The following SORBS3 variants were observed in gnomAD, a reference collection of about 807,000 sequenced individuals.
SORBS3 encodes the protein sorbin and SH3 domain containing 3.
Under a neutral mutation model 98.0 loss-of-function variants are expected in SORBS3, and 69 were observed. That is an observed-to-expected ratio of 0.70 (90% CI 0.58 to 0.86). SORBS3 has a LOEUF of 0.86. SORBS3 is among the 40% of genes least tolerant of loss of function. The probability of loss-of-function intolerance (pLI) is 0.00; values close to 1 mark genes in which losing one functional copy is unlikely to be tolerated. For missense variants in SORBS3, 954 were observed against 908.5 expected (o/e 1.05, Z -0.64); for synonymous variants, 394 against 355.4 (o/e 1.11, Z -1.22).
At position 22,569,291 on chromosome 8, in the gene SORBS3, C is replaced by A; in HGVS notation, c.1431+18C>A. On this transcript the variant is annotated intron_variant, in intron 17 of 20. Coordinates refer to ENST00000240123, the MANE Select transcript of SORBS3 (RefSeq NM_005775.5). ...TCCGCAAGGTGGGCCAGGCCGGAGACGGAGGGGTGGGTGGGGGCAGGTGAA... is the reference window on the plus strand; with the variant it reads ...TCCGCAAGGTGGGCCAGGCCGGAGAAGGAGGGGTGGGTGGGGGCAGGTGAA... 6.4e-7 allele frequency: 1 copy of A among 1,563,982 alleles called. No homozygotes were observed. The highest frequency in any genetic ancestry group is 8.7e-7 in the Non-Finnish European group (1 of 1,152,590).
At chr8:22,547,131 T>C (rs1186930537), upstream of SORBS3, among the ~76,000 whole-genome samples, 1 of 152,198 alleles carries the variant, frequency 6.6e-6, no homozygotes, top group Non-Finnish European at 1.5e-5. Context: ...AGTGGCATCC[T>C]GATGTAGCAA....
rs758204475 is a variant in SORBS3, at chr8:22,570,971, G to A, written c.1493G>A (p.Gly498Asp). The change falls in exon 18 of 21, where the codon GGC (glycine) becomes GAC (aspartate). Residue 498 changes from glycine (G) to aspartate (D), a missense_variant. Physicochemically the swap from Gly to Asp is moderately conservative, Grantham distance 94 (BLOSUM62 -1). Transcript: ENST00000240123. ...NENWYEGRIT[G>D]TGRQGIFPAS... ...AACTGGTACGAGGGACGCATCACGG[G>A]CACGGGGCGCCAAGGCATATTCCCT... 3.1e-6 allele frequency: 5 copies of A among 1,613,284 alleles called. No homozygotes were observed. Among genetic ancestry groups the A allele is most frequent in the Non-Finnish European group, 4.2e-6 (5 of 1,179,706 alleles).
intron 6 of SORBS3, chr8:22,561,642 A>G: frequency 3.3e-6 from 2 of 613,952 alleles, no homozygotes; most frequent in East Asian, 5.5e-5. Context: ...AGATGAGATC[A>G]TCACCTACTC....
In SORBS3 at chr8:22,561,781, AAAT is replaced by A. The variant is rs764872985; in HGVS notation, c.518-80_518-78del. On this transcript the variant is annotated intron_variant, in intron 6 of 20. Transcript: ENST00000240123. ...AGCAAGGGGGTGGTGCTGAAACTCT[AAAT>A]AATCACCCAGGCACCCTCAGCCCCA... is the stretch of plus-strand genomic sequence containing the variant. 5.0e-4 allele frequency: 640 copies of A among 1,273,334 alleles called. 1 individual carries two copies. Among genetic ancestry groups the A allele is most frequent in the Non-Finnish European group, 2.5e-4 (221 of 872,824 alleles). The allele number at this position is 1,273,334 out of a possible 1,614,324, so 78.9% of individuals were successfully genotyped here. A position where few individuals can be genotyped will look rare whatever the true frequency, so the allele number is the denominator to read the frequency against.
In SORBS3 at chr8:22,554,069, C is replaced by T. The variant is rs982281535; in HGVS notation, c.-55-383C>T. On this transcript the variant is annotated intron_variant, in intron 1 of 20. Transcript: ENST00000240123. This position sits in a 1 kb window ranked among gnomAD's most constrained non-coding sequence, Gnocchi z 6.5. ...AACAAAGTCCTGTGTTCCCAGGCCC[C>T]CTCTCTGCCGGCTGCCCCACTTCCC... is the stretch of plus-strand genomic sequence containing the variant. Among the ~76,000 whole-genome samples the T allele has an allele frequency of 1.2e-4, 19 of 152,274 alleles. No individual in the cohort carries two copies. The highest frequency in any genetic ancestry group is 4.6e-4 in the African/African-American group (19 of 41,564).
Position 22,554,721 on chromosome 8 carries a change from C to T in SORBS3, c.102+113C>T, listed in dbSNP as rs1840152128. The T allele has an allele frequency of 2.2e-6, 3 of 1,376,994 alleles. No homozygotes were observed. The highest frequency in any genetic ancestry group is 1.4e-5 in the South Asian group (1 of 73,718). 85.3% of individuals were successfully genotyped at this position (1,376,994 alleles called of 1,614,324 possible). The stretch of plus-strand genomic sequence containing the variant: ...GGGATGGAGGGAGGGCTGAAGAGAG[C>T]TCTGGGGGGCCTCGCTGGTTTCCCA... On this transcript the variant is annotated intron_variant, in intron 2 of 20. Coordinates refer to ENST00000240123, the MANE Select transcript of SORBS3 (RefSeq NM_005775.5). This position sits in a 1 kb window ranked among gnomAD's most constrained non-coding sequence, Gnocchi z 6.5.
At chr8:22,566,070 C>G (rs942535352) in intron 12 of SORBS3, 198 bp downstream of exon 12, 11 of 560,928 alleles carry the variant, frequency 2.0e-5, no homozygotes, top group Non-Finnish European at 2.4e-5. Flanking sequence ...GCAGCTAACT[C>G]CTAGCAGAGG....
In SORBS3 at chr8:22,569,192, C is replaced by G. The variant is rs780147783; in HGVS notation, c.1350C>G (p.Thr450=). ...TCCCTAAGCCCATCAAGCCCCCGAC[C>G]TACCAGGTGCTGGAGTATGGAGAGG... ...DEIPKPIKPP[T]YQVLEYGEAV... The change falls in exon 17 of 21, where the codon ACC becomes ACG. Residue 450 remains threonine (T), a synonymous_variant. Coordinates refer to ENST00000240123, the MANE Select transcript of SORBS3 (RefSeq NM_005775.5). The G allele has an allele frequency of 9.9e-6, 16 of 1,611,596 alleles. No individual in the cohort carries two copies. Among genetic ancestry groups the G allele is most frequent in the Non-Finnish European group, 1.3e-5 (15 of 1,178,818 alleles).
chr8:22,573,376 A>G (rs1251281817), intron 20 of SORBS3: 1 of 456,168 alleles, frequency 2.2e-6, no homozygotes, highest in African/African-American at 2.0e-5. Context: ...TTGTATTAGG[A>G]GCCACAAGCG....
chr8:22,561,645 A>G, intron 6 of SORBS3: 1 of 613,528 alleles, frequency 1.6e-6, no homozygotes, highest in Admixed American at 2.8e-5. Flanking sequence ...TGAGATCATC[A>G]CCTACTCGGA....
At chr8:22,565,451 A>G in intron 11 of SORBS3, 97 bp downstream of exon 11, 1 of 985,512 alleles carries the variant, frequency 1.0e-6, no homozygotes, top group Non-Finnish European at 1.4e-6. Flanking sequence ...GAGGACGGGC[A>G]GCCGAGGTCC....
chr8:22,563,394 G>T (rs1211101597), intron 7 of SORBS3, among the ~76,000 whole-genome samples: 3 of 152,196 alleles, frequency 2.0e-5, no homozygotes, highest in African/African-American at 7.2e-5. Flanking sequence ...AGTGGCTGGG[G>T]TGGTCTCACA....
At chr8:22,563,949 TA>T (rs1213893268) in intron 7 of SORBS3, 37 bp from the exon 8 acceptor site, 35 of 1,538,510 alleles carry the variant, frequency 2.3e-5, no homozygotes, top group Non-Finnish European at 2.9e-5. Flanking sequence ...TCAGTCTCCC[TA>T]AAAGGAAGCT....
chr8:22,571,169 C>A lies in SORBS3; in HGVS notation c.1691C>A (p.Pro564His), dbSNP rs114474961. Residue 564 changes from proline (P) to histidine (H), a missense_variant, in exon 18 of 21, where the codon CCC becomes CAC. Transcript: ENST00000240123. ...ATCGACTTGGGGGGACAGACCTCCC[C>A]CCGTCGCACTGGCTTCTCCTTCCCC... is the stretch of plus-strand genomic sequence containing the variant. The part of the protein sequence containing the change: ...DPIDLGGQTS[P>H]RRTGFSFPTQ... The A allele has an allele frequency of 1.9e-6, 3 of 1,583,104 alleles. No homozygotes were observed. The highest frequency in any genetic ancestry group is 1.1e-5 in the South Asian group (1 of 90,060).
chr8:22,547,152 C>T (rs147355052), upstream of SORBS3, among the ~76,000 whole-genome samples: 3 of 152,286 alleles, frequency 2.0e-5, no homozygotes, highest in African/African-American at 7.2e-5. Context: ...TGTCCCTACA[C>T]CTTAGCTAAA....
chr8:22,561,728 A>ACCACCCTGCCCCCACCAT, intron 6 of SORBS3, 137 bp from the exon 7 acceptor site: 3 of 762,904 alleles, frequency 3.9e-6, no homozygotes, highest in Non-Finnish European at 4.5e-6. Flanking sequence ...CTGAGCACCA[A>ACCACCCTGCCCCCACCAT]CCACCCTGCC....
rs745700829 is a variant in SORBS3, at chr8:22,558,218, C to T, written c.478+26C>T. The T allele has an allele frequency of 5.2e-5, 83 of 1,611,122 alleles. No homozygotes were observed. The Admixed American group carries it at 1.1e-3, about 22-fold the overall frequency. On this transcript the variant is annotated intron_variant, in intron 5 of 20. Coordinates refer to ENST00000240123, the MANE Select transcript of SORBS3 (RefSeq NM_005775.5). Reference sequence around the variant, plus strand: ...GTAAGATACCCTTCCAGGGCCCTCTCCCTGCCAAAGTGGATTCTGGCCCCT... The same window carrying T: ...GTAAGATACCCTTCCAGGGCCCTCTTCCTGCCAAAGTGGATTCTGGCCCCT...
In SORBS3 at chr8:22,571,730, C is replaced by T; in HGVS notation, c.1756C>T (p.Pro586Ser). The T allele has an allele frequency of 1.2e-6, 2 of 1,613,740 alleles. No individual in the cohort carries two copies. The highest frequency in any genetic ancestry group is 1.7e-6 in the Non-Finnish European group (2 of 1,179,716). The change falls in exon 19 of 21, where the codon CCT becomes TCT. Residue 586 changes from proline (P) to serine (S), a missense_variant. Coordinates refer to ENST00000240123, the MANE Select transcript of SORBS3 (RefSeq NM_005775.5). ...TGTCAACTCCCAGAATCTTGGCACC[C>T]CTGGTCCAGCTCTGTCCCACTCTCG... ...PRPQTQNLGT[P>S]GPALSHSRGP...
chr8:22,566,433 G>A lies in SORBS3; in HGVS notation c.1039G>A (p.Gly347Arg), dbSNP rs1840422840. Residue 347 changes from glycine (G) to arginine (R), a missense_variant, in exon 13 of 21, where the codon GGA becomes AGA. Coordinates refer to ENST00000240123, the MANE Select transcript of SORBS3 (RefSeq NM_005775.5). ...GAGTCCCCACAAAATGGCTGATGGAGGAAGCCCCTTCCTAGGTCGGAGGGA... is the reference window on the plus strand; with the variant it reads ...GAGTCCCCACAAAATGGCTGATGGAAGAAGCCCCTTCCTAGGTCGGAGGGA... ...SLSPHKMADGGSPFLGRRDFV... is the reference protein window; with the variant it reads ...SLSPHKMADGRSPFLGRRDFV... The A allele has an allele frequency of 1.2e-6, 2 of 1,613,900 alleles. No homozygotes were observed. Among genetic ancestry groups the A allele is most frequent in the East Asian group, 2.2e-5 (1 of 44,892 alleles).
Sources: allele counts gnomAD v4.1 joint callset (sites outside exome capture counted in the v4.1 genomes callset), GRCh38; gene constraint gnomAD v4.1.1; non-coding constraint Gnocchi (gnomAD v3.1); transcripts MANE v1.5; gene names NCBI Gene and HGNC (gene_info 2026-07-23, HGNC 2026-07-21).